Variants in EPB41L3 observed in about 807,000 individuals in gnomAD.
EPB41L3 encodes the protein band 4.1-like protein 3.
A neutral mutation model predicts 127.1 loss-of-function variants in EPB41L3; 57 were observed. The observed-to-expected ratio is 0.45, with a 90% CI of 0.36 to 0.56. The LOEUF (loss-of-function observed/expected upper bound fraction) is 0.56. EPB41L3 is among the 20% of genes least tolerant of loss of function. The pLI is 0.00. For synonymous variants in EPB41L3, 572 were observed against 549.5 expected (o/e 1.04, Z -0.57); for missense variants, 1,273 against 1,372.2 (o/e 0.93, Z 1.14).
chr18:5,472,484 T>C (rs987499871), intron 3 of EPB41L3, among the ~76,000 whole-genome samples: 1 of 152,214 alleles, frequency 6.6e-6, no homozygotes. Flanking sequence ...GAGGGTGGCA[T>C]GTTATAGGTT....
At chr18:5,551,954 T>C (rs935143644) in intron 3 of EPB41L3, among the ~76,000 whole-genome samples, 3 of 152,130 alleles carry the variant, frequency 2.0e-5, no homozygotes, top group African/African-American at 7.2e-5. Flanking sequence ...CCAAGTGACT[T>C]TTAGGAGTAA....
At position 5,542,536 on chromosome 18, in the gene EPB41L3, G is replaced by A. The variant is rs184018577; in HGVS notation, c.-12+1377C>T. On this transcript the variant is annotated intron_variant, in intron 1 of 22. Coordinates refer to ENST00000341928, the MANE Select transcript of EPB41L3 (RefSeq NM_012307.5). The stretch of plus-strand genomic sequence containing the variant: ...GCAAAAGCAATTCCGCGAGACTAAT[G>A]TAAAAAAGCTGAAACAACTTAAACA... 1.7e-3 allele frequency among the ~76,000 whole-genome samples: 261 copies of A among 151,776 alleles called. 2 individuals are homozygous for A. Among genetic ancestry groups the A allele is most frequent in the African/African-American group, 6.1e-3 (252 of 41,340 alleles).
chr18:5,623,218 T>C (rs1473273888), intron 1 of EPB41L3, among the ~76,000 whole-genome samples: 1 of 152,196 alleles, frequency 6.6e-6, no homozygotes, highest in Non-Finnish European at 1.5e-5. Context: ...ACATAGTGGA[T>C]AGCCAACATC....
intron 9 of EPB41L3, among the ~76,000 whole-genome samples, chr18:5,425,233 G>C (rs1228659954): frequency 6.6e-6 from 1 of 152,142 alleles, no homozygotes; most frequent in Non-Finnish European, 1.5e-5. Context: ...CATATGCATG[G>C]CATGTGAGAT....
chr18:5,548,681 T>C (rs2093920953), upstream of EPB41L3, among the ~76,000 whole-genome samples: 1 of 152,162 alleles, frequency 6.6e-6, no homozygotes, highest in Admixed American at 6.5e-5. Context: ...AACGATAAAA[T>C]TGTAAGGGTT....
intron 1 of EPB41L3, among the ~76,000 whole-genome samples, chr18:5,502,340 A>G (rs2091818919): frequency 6.6e-6 from 1 of 151,844 alleles, no homozygotes. Context: ...AATGCAGTTC[A>G]TCTTTTAAAA....
At chr18:5,580,326 C>T (rs908884187) in intron 3 of EPB41L3, among the ~76,000 whole-genome samples, 1 of 152,054 alleles carries the variant, frequency 6.6e-6, no homozygotes, top group African/African-American at 2.4e-5. Context: ...TGTATAGACA[C>T]ACATGTATAG....
chr18:5,430,115 G>A (rs1281064109), intron 8 of EPB41L3, among the ~76,000 whole-genome samples: 12 of 152,106 alleles, frequency 7.9e-5, no homozygotes, highest in Non-Finnish European at 1.6e-4. Context: ...TTAATCACCC[G>A]TTAATTCTTT....
At chr18:5,430,112 C>T (rs1225130041) in intron 8 of EPB41L3, among the ~76,000 whole-genome samples, 2 of 152,172 alleles carry the variant, frequency 1.3e-5, no homozygotes, top group African/African-American at 4.8e-5. Flanking sequence ...ATTTTAATCA[C>T]CCGTTAATTC....
chr18:5,565,632 C>A (rs1183226222), intron 3 of EPB41L3, among the ~76,000 whole-genome samples: 2 of 127,676 alleles, frequency 1.6e-5, no homozygotes, highest in Non-Finnish European at 3.2e-5. Flanking sequence ...CCCCACCCCA[C>A]AACAGGCCCC....
At chr18:5,589,464 C>G (rs910427382) in intron 3 of EPB41L3, among the ~76,000 whole-genome samples, 1 of 152,042 alleles carries the variant, frequency 6.6e-6, no homozygotes, top group African/African-American at 2.4e-5. Context: ...TTTAATATAT[C>G]TTTTTTGATC....
intron 3 of EPB41L3, among the ~76,000 whole-genome samples, chr18:5,550,198 A>G (rs1004938441): frequency 1.3e-5 from 2 of 152,186 alleles, no homozygotes; most frequent in African/African-American, 4.8e-5. Flanking sequence ...AGATCTGACT[A>G]TCTTAAACCC....
At chr18:5,470,306 G>C (rs969177478) in intron 3 of EPB41L3, among the ~76,000 whole-genome samples, 1 of 152,142 alleles carries the variant, frequency 6.6e-6, no homozygotes, top group African/African-American at 2.4e-5. Flanking sequence ...TCAAGCCTTT[G>C]GCTCATTTGG....
intron 8 of EPB41L3, 27 bp from the exon 9 acceptor site, chr18:5,428,492 G>C: frequency 6.2e-7 from 1 of 1,613,228 alleles, no homozygotes; most frequent in Non-Finnish European, 8.5e-7. Context: ...AGAAACAACA[G>C]ATCAGTATCT....
chr18:5,570,405 A>G (rs2094262379), intron 3 of EPB41L3, among the ~76,000 whole-genome samples: 1 of 152,112 alleles, frequency 6.6e-6, no homozygotes. Flanking sequence ...ACTGAAGAGG[A>G]AAGGTGTTGC....
At chr18:5,529,452 G>T (rs547520035) in intron 1 of EPB41L3, among the ~76,000 whole-genome samples, 2 of 152,030 alleles carry the variant, frequency 1.3e-5, no homozygotes, top group South Asian at 2.1e-4. Flanking sequence ...CTGCAGCCTG[G>T]CTTCCACCCT....
chr18:5,530,465 C>T (rs751145554), intron 1 of EPB41L3, among the ~76,000 whole-genome samples: 3 of 152,118 alleles, frequency 2.0e-5, no homozygotes, highest in Non-Finnish European at 4.4e-5. Flanking sequence ...CAAGGTAACA[C>T]CCCTCACTGG....
intron 2 of EPB41L3, among the ~76,000 whole-genome samples, chr18:5,613,845 T>C (rs2094759204): frequency 6.6e-6 from 1 of 152,218 alleles, no homozygotes; most frequent in African/African-American, 2.4e-5. Context: ...CATAAAAATA[T>C]TTATGTTAAC....
intron 3 of EPB41L3, among the ~76,000 whole-genome samples, chr18:5,591,712 A>C (rs1363443949): frequency 2.6e-5 from 4 of 152,250 alleles, no homozygotes; most frequent in Non-Finnish European, 5.9e-5. Context: ...CTTTTGTAAA[A>C]CATATGAGAA....
Sources: gnomAD v4.1 joint callset for allele counts (sites outside exome capture counted in the v4.1 genomes callset) on GRCh38, gnomAD v4.1.1 for gene constraint, MANE v1.5 for transcripts, NCBI Gene and HGNC (gene_info 2026-07-23, HGNC 2026-07-21) for gene names.